The following BCR variants were observed in gnomAD, a reference collection of about 807,000 sequenced individuals.
BCR encodes the protein BCR activator of RhoGEF and GTPase, also known as breakpoint cluster region protein.
BCR carries 58 observed loss-of-function variants against 138.6 expected under a neutral mutation model. The observed-to-expected ratio is 0.42, with a 90% CI of 0.34 to 0.52. The LOEUF (loss-of-function observed/expected upper bound fraction) is 0.52, where lower values mean the gene tolerates loss of function less well. Among genes scored for constraint, BCR ranks in the 20% least tolerant of loss-of-function variants. The probability of loss-of-function intolerance (pLI) is 0.06; values close to 1 mark genes in which losing one functional copy is unlikely to be tolerated. For synonymous variants in BCR, 786 were observed against 730.1 expected (o/e 1.08, Z -1.23); for missense variants, 1,599 against 1,727.2 (o/e 0.93, Z 1.32).
Position 23,202,721 on chromosome 22 carries a change from T to TGTGTGTGTGTGTGTG in BCR, c.1279+20482_1279+20483insGTGTGTGTGTGTGTG, listed in dbSNP as rs369930434. 1.4e-4 allele frequency among the ~76,000 whole-genome samples: 20 copies of TGTGTGTGTGTGTGTG among 142,864 alleles called. No individual in the cohort carries two copies. In the East Asian group the frequency reaches 4.2e-3, roughly 30 times the overall value. 93.7% of individuals were successfully genotyped at this position (142,864 alleles called of 152,430 possible). The stretch of plus-strand genomic sequence containing the variant: ...TAAGCTTGAGTAATAATTCAATTGT[T>TGTGTGTGTGTGTGTG]TGTGTGTGTGTGTGTGTGTGTGTGT... On this transcript the variant is annotated intron_variant, in intron 1 of 22. Coordinates refer to ENST00000305877, the MANE Select transcript of BCR (RefSeq NM_004327.4).
At chr22:23,232,578 A>T (rs1221021199) in intron 1 of BCR, among the ~76,000 whole-genome samples, 1 of 152,154 alleles carries the variant, frequency 6.6e-6, no homozygotes, top group Admixed American at 6.5e-5. Flanking sequence ...GGGGTTCCCC[A>T]CCTGGAAAGG....
At chr22:23,218,581 T>C (rs999219101) in intron 1 of BCR, among the ~76,000 whole-genome samples, 2 of 152,032 alleles carry the variant, frequency 1.3e-5, no homozygotes, top group Admixed American at 1.3e-4. Context: ...AGTGGCAGGG[T>C]GCGGAGGTGA....
rs1479452976 is a variant in BCR at position 23,180,854 on chromosome 22, GGCCAT to G, written c.-105_-101del. ...TGTTCGCCGCCGCCGCCGCCGCGCG[GGCCAT>G]GGGGGCCGCCCGGCGCCCGGGGCCG... On this transcript the variant is annotated 5_prime_UTR_variant, in exon 1 of 23. An upstream start codon of the reference 5' UTR is lost. Coordinates refer to ENST00000305877, the MANE Select transcript of BCR (RefSeq NM_004327.4). The G allele has an allele frequency of 3.2e-6, 2 of 634,552 alleles. No homozygotes were observed. Among genetic ancestry groups the G allele is most frequent in the East Asian group, 3.0e-4 (2 of 6,690 alleles). 39.3% of individuals were successfully genotyped at this position (634,552 alleles called of 1,614,324 possible). A position where few individuals can be genotyped will look rare whatever the true frequency, so the allele number is the denominator to read the frequency against.
intron 16 of BCR, among the ~76,000 whole-genome samples, chr22:23,301,388 C>G (rs1395870047): frequency 6.6e-6 from 1 of 152,242 alleles, no homozygotes; most frequent in East Asian, 1.9e-4. Flanking sequence ...GTGACTCCCT[C>G]TCTGGCCCAG....
intron 1 of BCR, among the ~76,000 whole-genome samples, chr22:23,236,192 T>A (rs2073020922): frequency 6.6e-6 from 1 of 152,182 alleles, no homozygotes; most frequent in Non-Finnish European, 1.5e-5. Flanking sequence ...ACCTTCTGTT[T>A]CATGGAGAAG....
chr22:23,232,706 G>T (rs1480343901), intron 1 of BCR, among the ~76,000 whole-genome samples: 1 of 152,232 alleles, frequency 6.6e-6, no homozygotes, highest in South Asian at 2.1e-4. Context: ...AGCATGGGCG[G>T]CCCCATCTGC....
intron 4 of BCR, chr22:23,264,215 C>T: frequency 1.7e-6 from 2 of 1,152,758 alleles, no homozygotes; most frequent in Non-Finnish European, 2.6e-6. Flanking sequence ...GGCTGTGGGA[C>T]CGGCACCAAA....
intron 1 of BCR, among the ~76,000 whole-genome samples, chr22:23,223,851 C>T (rs1452148481): frequency 6.6e-6 from 1 of 152,174 alleles, no homozygotes; most frequent in African/African-American, 2.4e-5. Context: ...GAACACTTTG[C>T]TGACCTTTTC....
intron 1 of BCR, among the ~76,000 whole-genome samples, chr22:23,217,421 C>G (rs2072768825): frequency 6.6e-6 from 1 of 152,234 alleles, no homozygotes; most frequent in Non-Finnish European, 1.5e-5. Context: ...CTGGTGCTCT[C>G]TCTTCGCCTT....
chr22:23,198,583 C>G (rs1346234723), intron 1 of BCR, among the ~76,000 whole-genome samples: 2 of 152,100 alleles, frequency 1.3e-5, no homozygotes, highest in Non-Finnish European at 2.9e-5. Flanking sequence ...GTGGCTGTGG[C>G]GGCTGTTCCC....
chr22:23,241,320 C>T (rs1461588027), intron 1 of BCR, among the ~76,000 whole-genome samples: 1 of 152,214 alleles, frequency 6.6e-6, no homozygotes, highest in Non-Finnish European at 1.5e-5. Context: ...GGAAGTCCCT[C>T]TTCCTGCCAT....
chr22:23,313,121 C>A lies in BCR; in HGVS notation c.3457+100C>A, dbSNP rs1244747793. On this transcript the variant is annotated intron_variant, in intron 20 of 22. Transcript: ENST00000305877. ...GTGAGGTGTGGGAACCCAAGCTGTG[C>A]CCCCTCTGCCATGGTCGGCATTTTA... is the stretch of plus-strand genomic sequence containing the variant. The A allele has an allele frequency of 7.1e-6, 10 of 1,415,584 alleles. 1 individual carries two copies. Among genetic ancestry groups the A allele is most frequent in the African/African-American group, 4.3e-5 (3 of 70,484 alleles). 87.7% of individuals were successfully genotyped at this position (1,415,584 alleles called of 1,614,324 possible). A position where few individuals can be genotyped will look rare whatever the true frequency, so the allele number is the denominator to read the frequency against.
chr22:23,305,233 C>G (rs547468101), intron 16 of BCR, among the ~76,000 whole-genome samples: 9 of 143,124 alleles, frequency 6.3e-5, no homozygotes, highest in Non-Finnish European at 1.1e-4. Context: ...GTGGTCTCAG[C>G]AAAGACCCAC....
chr22:23,228,823 A>G (rs1329740003), intron 1 of BCR, among the ~76,000 whole-genome samples: 1 of 151,486 alleles, frequency 6.6e-6, no homozygotes, highest in Non-Finnish European at 1.5e-5. Context: ...TTATTATGAT[A>G]TGTCTGGCTG....
chr22:23,288,587 C>A (rs1374354866), intron 12 of BCR, among the ~76,000 whole-genome samples: 1 of 152,150 alleles, frequency 6.6e-6, no homozygotes, highest in Non-Finnish European at 1.5e-5. Flanking sequence ...CCCATTTCTC[C>A]TCATCTACTC....
intron 5 of BCR, among the ~76,000 whole-genome samples, chr22:23,270,666 C>G (rs532074126): frequency 6.6e-6 from 1 of 152,352 alleles, no homozygotes; most frequent in South Asian, 2.1e-4. Flanking sequence ...GAGATGTTTC[C>G]TGCAGCACAA....
At chr22:23,297,786 C>T (rs2073862529) in intron 16 of BCR, among the ~76,000 whole-genome samples, 1 of 152,142 alleles carries the variant, frequency 6.6e-6, no homozygotes, top group Non-Finnish European at 1.5e-5. Context: ...GAACCAGGAC[C>T]TCTGAGTACT....
At chr22:23,241,609 C>T (rs192542910) in intron 1 of BCR, among the ~76,000 whole-genome samples, 1 of 152,282 alleles carries the variant, frequency 6.6e-6, no homozygotes, top group East Asian at 1.9e-4. Flanking sequence ...TCCCTGCTGC[C>T]AGGTCTATAC....
intron 2 of BCR, 133 bp downstream of exon 2, chr22:23,254,113 C>T: frequency 9.8e-7 from 1 of 1,017,642 alleles, no homozygotes; most frequent in Non-Finnish European, 1.4e-6. Flanking sequence ...TCACCAAAAA[C>T]TCCTTCCTCA....
Sources: allele counts gnomAD v4.1 joint callset (sites outside exome capture counted in the v4.1 genomes callset), GRCh38; gene constraint gnomAD v4.1.1; transcripts MANE v1.5; gene names NCBI Gene and HGNC (gene_info 2026-07-23, HGNC 2026-07-21).